Variants in CACNB4 observed in about 807,000 individuals in gnomAD.
CACNB4 encodes the protein calcium voltage-gated channel auxiliary subunit beta 4.
A neutral mutation model predicts 71.2 loss-of-function variants in CACNB4; 32 were observed. The observed-to-expected ratio is 0.45, with a 90% CI of 0.34 to 0.60. The LOEUF (loss-of-function observed/expected upper bound fraction) is 0.60. CACNB4 is among the 20% of genes least tolerant of loss of function. CACNB4 has a pLI of 0.01. For missense variants in CACNB4, 464 were observed against 647.9 expected (o/e 0.72, Z 3.08); for synonymous variants, 231 against 236.9 (o/e 0.97, Z 0.23).
At chr2:152,054,365 CAAAAAAAAA>C (rs34291036) in intron 2 of CACNB4, among the ~76,000 whole-genome samples, 52 of 85,182 alleles carry the variant, frequency 6.1e-4, no homozygotes, top group Non-Finnish European at 1.8e-4. Context: ...AACTCCGTCT[CAAAAAAAAA>C]AAAAAAAAAA....
intron 2 of CACNB4, among the ~76,000 whole-genome samples, chr2:152,025,799 G>T (rs1248983414): frequency 6.6e-6 from 1 of 152,210 alleles, no homozygotes; most frequent in African/African-American, 2.4e-5. Flanking sequence ...AATGTTCAGC[G>T]TTGTCTCAGA....
At chr2:151,980,834 T>G (rs143797564) in intron 2 of CACNB4, among the ~76,000 whole-genome samples, 2 of 152,090 alleles carry the variant, frequency 1.3e-5, no homozygotes, top group South Asian at 4.2e-4. Flanking sequence ...TGACATAGAG[T>G]TGTTTTAACA....
At chr2:151,992,781 A>C (rs1681782221) in intron 2 of CACNB4, among the ~76,000 whole-genome samples, 1 of 152,152 alleles carries the variant, frequency 6.6e-6, no homozygotes, top group Non-Finnish European at 1.5e-5. Flanking sequence ...CCCTAGAGAA[A>C]CTTGATGCTA....
At chr2:151,868,923 CTG>C (rs2099843882) in intron 9 of CACNB4, 2 of 224,364 alleles carry the variant, frequency 8.9e-6, no homozygotes, top group East Asian at 1.8e-4. Flanking sequence ...TTATTAATAA[CTG>C]AGAAAATAAA....
intron 2 of CACNB4, among the ~76,000 whole-genome samples, chr2:152,019,143 T>C (rs12693208): frequency 0.048 from 7,235 of 152,224 alleles, 224 homozygotes; most frequent in Middle Eastern, 0.088. Context: ...AGTATTGCAT[T>C]AGTGCTTGCA....
At chr2:151,990,550 C>T (rs1681648028) in intron 2 of CACNB4, among the ~76,000 whole-genome samples, 1 of 152,210 alleles carries the variant, frequency 6.6e-6, no homozygotes, top group Non-Finnish European at 1.5e-5. Context: ...GGGTCTTGTG[C>T]ACTGTTGCTT....
chr2:151,852,921 C>A (rs1458320440), intron 12 of CACNB4: 1 of 152,378 alleles, frequency 6.6e-6, no homozygotes, highest in Non-Finnish European at 1.5e-5. Context: ...TCTAACCCAG[C>A]AGCTGTTTTC....
chr2:152,026,541 C>T (rs1034933456), intron 2 of CACNB4, among the ~76,000 whole-genome samples: 4 of 151,982 alleles, frequency 2.6e-5, no homozygotes, highest in Admixed American at 2.0e-4. Flanking sequence ...CATGCCACCA[C>T]GCGCAGCTAA....
chr2:152,028,076 TCA>T (rs1360458992), intron 2 of CACNB4, among the ~76,000 whole-genome samples: 2 of 152,030 alleles, frequency 1.3e-5, no homozygotes, highest in Non-Finnish European at 2.9e-5. Context: ...ACAAGGGCAA[TCA>T]CAAGACAAGG....
At chr2:152,017,660 A>C (rs1683421224) in intron 2 of CACNB4, among the ~76,000 whole-genome samples, 1 of 151,400 alleles carries the variant, frequency 6.6e-6, no homozygotes, top group South Asian at 2.1e-4. Flanking sequence ...GTGAGCCGAG[A>C]TCATGCCACT....
At chr2:151,884,727 G>A (rs957453641) in intron 2 of CACNB4, among the ~76,000 whole-genome samples, 5 of 149,244 alleles carry the variant, frequency 3.4e-5, no homozygotes, top group Non-Finnish European at 7.4e-5. Context: ...CTCCCCCACC[G>A]CAAAAAACCC....
intron 2 of CACNB4, among the ~76,000 whole-genome samples, chr2:152,059,298 GA>G (rs1685884677): frequency 6.6e-6 from 1 of 152,242 alleles, no homozygotes; most frequent in Admixed American, 6.5e-5. Flanking sequence ...TGTGTGCCTG[GA>G]AAAGCTGCAG....
chr2:151,919,221 TTC>T (rs2099858308), intron 2 of CACNB4, among the ~76,000 whole-genome samples: 1 of 152,288 alleles, frequency 6.6e-6, no homozygotes, highest in Admixed American at 6.5e-5. Context: ...GAGGATTGTC[TTC>T]TCTTTTTACT....
chr2:151,908,229 T>C (rs913817605), intron 2 of CACNB4, among the ~76,000 whole-genome samples: 5 of 152,228 alleles, frequency 3.3e-5, no homozygotes, highest in African/African-American at 1.2e-4. Flanking sequence ...AGGAGATCAT[T>C]TGCTGCTAAT....
At chr2:152,038,684 G>A (rs16830650) in intron 2 of CACNB4, among the ~76,000 whole-genome samples, 6,790 of 152,282 alleles carry the variant, frequency 0.045, 498 homozygotes, top group African/African-American at 0.16. Context: ...AGGACAGGCT[G>A]CAAACTCAGC....
intron 2 of CACNB4, among the ~76,000 whole-genome samples, chr2:151,963,539 T>C (rs2099870213): frequency 6.6e-6 from 1 of 152,166 alleles, no homozygotes. Flanking sequence ...GGAGGTCATA[T>C]CCTAAAGTTG....
chr2:151,895,332 T>C (rs1200279340), intron 2 of CACNB4, among the ~76,000 whole-genome samples: 1 of 152,142 alleles, frequency 6.6e-6, no homozygotes, highest in Admixed American at 6.5e-5. Flanking sequence ...CCAGGCACCA[T>C]GGCACATGCC....
At chr2:151,929,500 A>G (rs2099861103) in intron 2 of CACNB4, among the ~76,000 whole-genome samples, 2 of 152,364 alleles carry the variant, frequency 1.3e-5, no homozygotes, top group Admixed American at 1.3e-4. Context: ...TCATTAGCCT[A>G]TGTGAATTAG....
chr2:151,943,944 T>C (rs1236056350), intron 2 of CACNB4, among the ~76,000 whole-genome samples: 1 of 152,162 alleles, frequency 6.6e-6, no homozygotes, highest in Admixed American at 6.5e-5. Context: ...ATAAGTTGCC[T>C]GTCATTGGAG....
Sources: allele counts gnomAD v4.1 joint callset (sites outside exome capture counted in the v4.1 genomes callset), GRCh38; gene constraint gnomAD v4.1.1; transcripts MANE v1.5; gene names NCBI Gene and HGNC (gene_info 2026-07-23, HGNC 2026-07-21).